The following HDAC9 variants were observed in gnomAD, a reference collection of about 807,000 sequenced individuals.
HDAC9 encodes the protein MEF-2 interacting transcription repressor (MITR) protein.
In HDAC9, 41 loss-of-function variants were observed where a neutral mutation model predicts 139.4. The observed-to-expected ratio is 0.29, with a 90% CI of 0.23 to 0.38. The LOEUF is 0.38. Ranked by LOEUF, HDAC9 falls within the 10% of genes least tolerant of loss-of-function variation. HDAC9 has a pLI of 1.00. For synonymous variants in HDAC9, 517 were observed against 476.2 expected (o/e 1.09, Z -1.12); for missense variants, 1,147 against 1,297.0 (o/e 0.88, Z 1.78).
chr7:18,966,898 T>C (rs1055815815), intron 24 of HDAC9, among the ~76,000 whole-genome samples: 1 of 152,210 alleles, frequency 6.6e-6, no homozygotes, highest in Non-Finnish European at 1.5e-5. Flanking sequence ...TTGTTTTATG[T>C]TTTGTTACAT....
intron 1 of HDAC9, among the ~76,000 whole-genome samples, chr7:18,404,060 A>G (rs1173276150): frequency 1.3e-5 from 2 of 152,228 alleles, no homozygotes; most frequent in Admixed American, 6.5e-5. Flanking sequence ...CTGACAGGCC[A>G]ATGCAGAAAA....
At chr7:18,414,947 G>T (rs1442723212) in intron 1 of HDAC9, among the ~76,000 whole-genome samples, 2 of 152,004 alleles carry the variant, frequency 1.3e-5, no homozygotes, top group East Asian at 3.9e-4. Flanking sequence ...GCTTTCCGTG[G>T]CTTCCTACCT....
At chr7:18,419,690 G>A (rs1789439256) in intron 1 of HDAC9, among the ~76,000 whole-genome samples, 1 of 152,220 alleles carries the variant, frequency 6.6e-6, no homozygotes, top group East Asian at 1.9e-4. Flanking sequence ...AAGAGGGTTG[G>A]AAACCAAAGG....
At chr7:18,394,250 T>C (rs1786815775) in intron 1 of HDAC9, among the ~76,000 whole-genome samples, 1 of 152,192 alleles carries the variant, frequency 6.6e-6, no homozygotes, top group Non-Finnish European at 1.5e-5. Context: ...TTAATCTTAT[T>C]ACTAAAATTC....
At chr7:18,683,184 G>C (rs1254841025) in intron 12 of HDAC9, among the ~76,000 whole-genome samples, 1 of 151,802 alleles carries the variant, frequency 6.6e-6, no homozygotes, top group Non-Finnish European at 1.5e-5. Context: ...GAAACAGCAA[G>C]GTGTATAGAA....
At chr7:18,340,894 A>C (rs1384431974) in intron 1 of HDAC9, among the ~76,000 whole-genome samples, 1 of 151,596 alleles carries the variant, frequency 6.6e-6, no homozygotes, top group East Asian at 1.9e-4. Flanking sequence ...ACATTTGTTG[A>C]AGTCCAAGTC....
At chr7:18,659,800 G>A (rs1252939352) in intron 11 of HDAC9, among the ~76,000 whole-genome samples, 1 of 152,116 alleles carries the variant, frequency 6.6e-6, no homozygotes. Context: ...GATTCACACA[G>A]GCTTGCACAT....
At chr7:18,972,174 A>T (rs1408977759) in intron 24 of HDAC9, among the ~76,000 whole-genome samples, 2 of 152,188 alleles carry the variant, frequency 1.3e-5, no homozygotes, top group Non-Finnish European at 2.9e-5. Context: ...CAAGATTGAT[A>T]TGTAACATGA....
At chr7:18,888,193 A>G (rs1185259120) in intron 22 of HDAC9, among the ~76,000 whole-genome samples, 1 of 152,148 alleles carries the variant, frequency 6.6e-6, no homozygotes, top group African/African-American at 2.4e-5. Flanking sequence ...AGGCCGAGGC[A>G]GGCGGATCAC....
intron 23 of HDAC9, among the ~76,000 whole-genome samples, chr7:18,945,475 A>G (rs1782311069): frequency 6.6e-6 from 1 of 152,344 alleles, no homozygotes; most frequent in South Asian, 2.1e-4. Flanking sequence ...GATAATTGAA[A>G]GTAACTTTTT....
intron 22 of HDAC9, among the ~76,000 whole-genome samples, chr7:18,890,166 A>G (rs1563026592): frequency 6.6e-6 from 1 of 152,216 alleles, no homozygotes; most frequent in South Asian, 2.1e-4. Flanking sequence ...CAAGCACTCA[A>G]CAAATGTTAG....
chr7:18,451,855 C>G (rs907103352), intron 1 of HDAC9, among the ~76,000 whole-genome samples: 1 of 151,974 alleles, frequency 6.6e-6, no homozygotes. Context: ...GAGTCTGGCT[C>G]AGTGACCTGG....
chr7:18,943,470 G>T (rs760849384), intron 23 of HDAC9, among the ~76,000 whole-genome samples: 21 of 152,146 alleles, frequency 1.4e-4, no homozygotes, highest in Admixed American at 1.1e-3. Context: ...GACTGCCATA[G>T]ATGTTTAAAT....
At chr7:18,299,384 G>A (rs907060420) in intron 1 of HDAC9, among the ~76,000 whole-genome samples, 6 of 152,066 alleles carry the variant, frequency 3.9e-5, no homozygotes, top group African/African-American at 1.2e-4. Flanking sequence ...ATCAAGAAGC[G>A]TAATGGACCC....
intron 1 of HDAC9, among the ~76,000 whole-genome samples, chr7:18,327,124 CTT>C (rs1424926108): frequency 6.6e-6 from 1 of 151,582 alleles, no homozygotes; most frequent in African/African-American, 2.4e-5. Context: ...TTACATTTGA[CTT>C]ATTATTTATT....
intron 1 of HDAC9, among the ~76,000 whole-genome samples, chr7:18,414,645 C>A (rs1375954042): frequency 6.6e-6 from 1 of 152,044 alleles, no homozygotes; most frequent in Non-Finnish European, 1.5e-5. Flanking sequence ...AGTTACATTG[C>A]CTGTTCTTAT....
chr7:18,253,501 C>A (rs1362075573), intron 2 of HDAC9, among the ~76,000 whole-genome samples: 1 of 152,106 alleles, frequency 6.6e-6, no homozygotes, highest in East Asian at 1.9e-4. Flanking sequence ...TTCTAATGAT[C>A]AGTGATACTG....
chr7:18,404,386 G>C (rs1247010227), intron 1 of HDAC9, among the ~76,000 whole-genome samples: 1 of 152,116 alleles, frequency 6.6e-6, no homozygotes, highest in African/African-American at 2.4e-5. Context: ...CTGAATGAAA[G>C]AGCAATGTCA....
chr7:18,109,887 A>G (rs750042583), intron 1 of HDAC9, among the ~76,000 whole-genome samples: 61 of 152,170 alleles, frequency 4.0e-4, no homozygotes, highest in Non-Finnish European at 8.8e-4. Flanking sequence ...TTTCTTAGTC[A>G]TTGCCCCCAC....
Sources: gnomAD v4.1 joint callset for allele counts (sites outside exome capture counted in the v4.1 genomes callset) on GRCh38, gnomAD v4.1.1 for gene constraint, MANE v1.5 for transcripts, NCBI Gene and HGNC (gene_info 2026-07-23, HGNC 2026-07-21) for gene names.